The following H3-3A variants were observed in gnomAD, a reference collection of about 807,000 sequenced individuals.
The protein encoded by H3-3A is histone H3.3.
For synonymous variants in H3-3A, 49 were observed against 61.4 expected (o/e 0.80, Z 0.95); for missense variants, 7 against 184.0 (o/e 0.04, Z 5.57).
Position 226,064,325 on chromosome 1 carries a change from G to A in H3-3A, c.-23-4G>A. On this transcript the variant is annotated splice_polypyrimidine_tract_variant and splice_region_variant and intron_variant, in intron 1 of 3. Transcript: ENST00000366815. ...GGTGATTTTTGATTTTTCAATGCTG[G>A]TAGGTAAGTAAGGAGGTCTCTGTAC... 1 of 1,603,786 alleles carries A rather than the reference G, an allele frequency of 6.2e-7. No homozygotes were observed. Among genetic ancestry groups the A allele is most frequent in the Non-Finnish European group, 8.5e-7 (1 of 1,175,044 alleles).
At chr1:226,069,533 T>C (rs556116189) in intron 3 of H3-3A, among the ~76,000 whole-genome samples, 1 of 152,270 alleles carries the variant, frequency 6.6e-6, no homozygotes, top group African/African-American at 2.4e-5. Flanking sequence ...ATTTCTCCAT[T>C]TCAAAATGAG....
At chr1:226,070,665 C>A in intron 3 of H3-3A, among the ~76,000 whole-genome samples, 1 of 151,612 alleles carries the variant, frequency 6.6e-6, no homozygotes, top group East Asian at 1.9e-4. Flanking sequence ...CCCAGCTACT[C>A]GGGAGGCTGA....
At chr1:226,068,133 A>G (rs1353348662) in intron 3 of H3-3A, among the ~76,000 whole-genome samples, 1 of 152,206 alleles carries the variant, frequency 6.6e-6, no homozygotes, top group Non-Finnish European at 1.5e-5. Context: ...TCATTAGGTC[A>G]TAAATTAGTG....
In H3-3A at chr1:226,069,832, AAAAAAC is replaced by A. The variant is rs761797158; in HGVS notation, c.283-1507_283-1502del. The stretch of plus-strand genomic sequence containing the variant: ...GGCTACAGAGCAAGACTCAAACCTC[AAAAAAC>A]AAAAACAAAAAGAGTAAGCAGATGT... On this transcript the variant is annotated intron_variant, in intron 3 of 3. Transcript: ENST00000366815. Among the ~76,000 whole-genome samples, 20 of 150,280 alleles carry A rather than the reference AAAAAAC, an allele frequency of 1.3e-4. No individual in the cohort carries two copies. In the South Asian group the frequency reaches 2.5e-3, roughly 19 times the overall value.
rs1482459906 is a variant in H3-3A at position 226,063,577 on chromosome 1, G to T, written c.-23-752G>T. On this transcript the variant is annotated intron_variant, in intron 1 of 3. Coordinates refer to ENST00000366815, the MANE Select transcript of H3-3A (RefSeq NM_002107.7). ...AGCCGAGTTGGTTCCTGCTCGAGGC[G>T]CTGGGAGCGAGGCGGGCAGGTTGGG... Among the ~76,000 whole-genome samples the T allele has an allele frequency of 2.0e-5, 3 of 152,158 alleles. No individual in the cohort carries two copies. In the South Asian group the frequency reaches 6.2e-4, roughly 32 times the overall value.
intron 1 of H3-3A, chr1:226,063,853 G>C (rs1434549766): frequency 6.9e-6 from 1 of 144,188 alleles, no homozygotes; most frequent in Non-Finnish European, 1.5e-5. Flanking sequence ...GCAAAACCAA[G>C]AATATTTTCA....
At chr1:226,065,847 C>T (rs866620235) in intron 3 of H3-3A, 38 bp downstream of exon 3, 2 of 1,468,782 alleles carry the variant, frequency 1.4e-6, no homozygotes, top group African/African-American at 1.4e-5. Context: ...GTTTGTATTC[C>T]TGTTGTGTAC....
chr1:226,064,873 G>C (rs1351634947), intron 2 of H3-3A, among the ~76,000 whole-genome samples: 1 of 152,140 alleles, frequency 6.6e-6, no homozygotes, highest in Non-Finnish European at 1.5e-5. Context: ...TCGAGATTGG[G>C]TGTTTTATAA....
intron 3 of H3-3A, chr1:226,066,205 C>T (rs947830853): frequency 1.6e-5 from 4 of 257,206 alleles, no homozygotes; most frequent in South Asian, 1.0e-4. Flanking sequence ...AGAAATGTCT[C>T]TTCAGGTCCT....
At chr1:226,066,983 A>G (rs966549171) in intron 3 of H3-3A, 19 of 152,344 alleles carry the variant, frequency 1.2e-4, no homozygotes, top group Admixed American at 7.8e-4. Context: ...TTCAACTACT[A>G]AAATCTTCCA....
intron 1 of H3-3A, 149 bp from the exon 2 acceptor site, chr1:226,064,180 A>G (rs1381455859): frequency 1.9e-5 from 11 of 584,172 alleles, no homozygotes; most frequent in East Asian, 3.1e-5. Flanking sequence ...GGTAGACGTA[A>G]TCTTCACCCT....
At chr1:226,062,690 TG>T, upstream of H3-3A, 1 of 153,250 alleles carries the variant, frequency 6.5e-6, no homozygotes. Flanking sequence ...CGGCGTGTGT[TG>T]GGGGATAGCC....
In H3-3A at chr1:226,064,507, CAA is replaced by C. The variant is rs546859287; in HGVS notation, c.128+30_128+31del. ...ATTAAAAAACAGGAAAAAAATGGGA[CAA>C]AGTCTCTCTTGTATGTATCCACATA... On this transcript the variant is annotated intron_variant, in intron 2 of 3. Transcript: ENST00000366815. 239 of 1,592,448 alleles carry C rather than the reference CAA, an allele frequency of 1.5e-4. No individual in the cohort carries two copies. The African/African-American group carries it at 2.5e-3, about 16-fold the overall frequency.
At chr1:226,064,244 G>C (rs1657845437) in intron 1 of H3-3A, 85 bp from the exon 2 acceptor site, 6 of 931,540 alleles carry the variant, frequency 6.4e-6, no homozygotes, top group Non-Finnish European at 1.0e-5. Context: ...ATAATTTCCA[G>C]ATTTGGGGAG....
At position 226,065,932 on chromosome 1, in the gene H3-3A, T is replaced by G; in HGVS notation, c.282+123T>G. The G allele has an allele frequency of 5.0e-6, 4 of 803,684 alleles. No homozygotes were observed. The South Asian group carries it at 5.8e-5, about 12-fold the overall frequency. The allele number at this position is 803,684 out of a possible 1,614,324, so 49.8% of individuals were successfully genotyped here. ...CCTGTCAGGTAGTTGATATTGTTACTTCACTGTTGAGACTTCAGAAAGGTT... is the reference window on the plus strand; with the variant it reads ...CCTGTCAGGTAGTTGATATTGTTACGTCACTGTTGAGACTTCAGAAAGGTT... On this transcript the variant is annotated intron_variant, in intron 3 of 3. Coordinates refer to ENST00000366815, the MANE Select transcript of H3-3A (RefSeq NM_002107.7).
At chr1:226,067,367 T>C (rs1048177148) in intron 3 of H3-3A, 3 of 152,218 alleles carry the variant, frequency 2.0e-5, no homozygotes, top group African/African-American at 7.2e-5. Flanking sequence ...GATAGCTCTT[T>C]ATTGGAAAGA....
At chr1:226,062,486 T>C (rs888638613), upstream of H3-3A, among the ~76,000 whole-genome samples, 8 of 148,352 alleles carry the variant, frequency 5.4e-5, no homozygotes, top group Non-Finnish European at 9.0e-5. Flanking sequence ...AGCGTGTCTT[T>C]TGTGTTTGTA....
intron 1 of H3-3A, among the ~76,000 whole-genome samples, 164 bp downstream of exon 1, chr1:226,062,975 C>G (rs1657783806): frequency 6.6e-6 from 1 of 152,042 alleles, no homozygotes; most frequent in Non-Finnish European, 1.5e-5. Flanking sequence ...CCTGTTCCCT[C>G]TGGCGGCGGC....
At chr1:226,062,909 C>T (rs561875291) in intron 1 of H3-3A, 98 bp downstream of exon 1, 1 of 153,014 alleles carries the variant, frequency 6.5e-6, no homozygotes, top group Non-Finnish European at 1.5e-5. Flanking sequence ...CCCATAGCCC[C>T]TCCGGCTTAG....
Sources: gnomAD v4.1 joint callset for allele counts (sites outside exome capture counted in the v4.1 genomes callset) on GRCh38, gnomAD v4.1.1 for gene constraint, MANE v1.5 for transcripts, NCBI Gene and HGNC (gene_info 2026-07-23, HGNC 2026-07-21) for gene names.